Variants in ATXN7 observed in about 807,000 individuals in gnomAD.
ATXN7 encodes ataxin 7, also known as ataxin-7.
In ATXN7, 12 loss-of-function variants were observed where a neutral mutation model predicts 70.5. The ratio of observed to expected loss-of-function variants is 0.17; its 90% CI spans 0.11 to 0.28. The LOEUF is 0.28. Among genes scored for constraint, ATXN7 ranks in the 10% least tolerant of loss-of-function variants. The pLI, the probability that ATXN7 is intolerant of heterozygous loss-of-function variation, is 1.00. For synonymous variants in ATXN7, 498 were observed against 448.7 expected, an observed-to-expected ratio of 1.11 and a Z score of -1.39; for missense variants, 1,256 against 1,131.7, an observed-to-expected ratio of 1.11 and a Z score of -1.58.
At chr3:63,957,197 A>G (rs1429328403) in intron 5 of ATXN7, among the ~76,000 whole-genome samples, 2 of 151,376 alleles carry the variant, frequency 1.3e-5, no homozygotes, top group Non-Finnish European at 2.9e-5. Context: ...ATGCAGACAC[A>G]GGGGTGATAT....
intron 12 of ATXN7, chr3:63,997,753 C>T (rs1362677319): frequency 7.9e-6 from 12 of 1,523,834 alleles, no homozygotes; most frequent in African/African-American, 1.4e-5. Context: ...AAATGCCAGC[C>T]GGGTTAGGAC....
At chr3:63,946,156 A>G (rs535743916) in intron 4 of ATXN7, among the ~76,000 whole-genome samples, 1 of 152,298 alleles carries the variant, frequency 6.6e-6, no homozygotes, top group African/African-American at 2.4e-5. Flanking sequence ...AGGACTACTG[A>G]GGTTTCCATT....
At chr3:63,863,287 C>G (rs1309281500), upstream of ATXN7, 5 of 264,414 alleles carry the variant, frequency 1.9e-5, no homozygotes, top group Non-Finnish European at 2.9e-5. Context: ...ATTCCCGCCC[C>G]GTCCCTGGAG....
In ATXN7 at chr3:63,881,073, A is replaced by T. The variant is rs186416061; in HGVS notation, c.-111+16915A>T. On this transcript the variant is annotated intron_variant, in intron 1 of 12. Coordinates refer to ENST00000674280, the MANE Select transcript of ATXN7 (RefSeq NM_001377405.1). ...ATAATGATGATAATGGCTATCATTTATTGAGCAGTTAGTATGTGCCAGACT... is the reference window on the plus strand; with the variant it reads ...ATAATGATGATAATGGCTATCATTTTTTGAGCAGTTAGTATGTGCCAGACT... Among the ~76,000 whole-genome samples the T allele has an allele frequency of 3.5e-3, 533 of 152,360 alleles. 6 individuals are homozygous for T. Among genetic ancestry groups the T allele is most frequent in the African/African-American group, 0.011 (478 of 41,584 alleles).
intron 1 of ATXN7, among the ~76,000 whole-genome samples, chr3:63,872,855 C>T (rs748769505): frequency 3.3e-5 from 5 of 152,048 alleles, no homozygotes; most frequent in Non-Finnish European, 7.4e-5. Flanking sequence ...TAGTATTATC[C>T]CATTTTAAAG....
chr3:63,918,252 A>G (rs1246867897), intron 4 of ATXN7, among the ~76,000 whole-genome samples: 2 of 152,254 alleles, frequency 1.3e-5, no homozygotes, highest in Non-Finnish European at 2.9e-5. Context: ...GACTGAGTCA[A>G]CAGAGTACCA....
chr3:63,956,601 A>T (rs1159267264), intron 5 of ATXN7, among the ~76,000 whole-genome samples: 1 of 152,034 alleles, frequency 6.6e-6, no homozygotes, highest in African/African-American at 2.4e-5. Flanking sequence ...ATTTCCAGAG[A>T]TAGAACCCAG....
At chr3:63,919,185 C>G (rs1194487255) in intron 4 of ATXN7, among the ~76,000 whole-genome samples, 1 of 152,160 alleles carries the variant, frequency 6.6e-6, no homozygotes, top group African/African-American at 2.4e-5. Context: ...GTGTCAGTGT[C>G]CATAACTAAA....
intron 2 of ATXN7, among the ~76,000 whole-genome samples, chr3:63,908,281 G>A (rs923696934): frequency 6.6e-6 from 1 of 152,168 alleles, no homozygotes; most frequent in Non-Finnish European, 1.5e-5. Context: ...CAAGCTGTAA[G>A]GTACTTCACT....
At chr3:63,891,826 A>G (rs1703276015) in intron 1 of ATXN7, among the ~76,000 whole-genome samples, 1 of 152,186 alleles carries the variant, frequency 6.6e-6, no homozygotes, top group African/African-American at 2.4e-5. Context: ...GAAGAGTGAA[A>G]TTTGTTGTGT....
At chr3:63,863,855 G>C (rs1702311732), upstream of ATXN7, 11 of 1,215,068 alleles carry the variant, frequency 9.1e-6, no homozygotes, top group Non-Finnish European at 1.1e-5. Context: ...CGGCGGCGGA[G>C]GTCAAACTCC....
intron 5 of ATXN7, among the ~76,000 whole-genome samples, chr3:63,963,087 T>G (rs1254234950): frequency 6.6e-6 from 1 of 151,884 alleles, no homozygotes; most frequent in Non-Finnish European, 1.5e-5. Context: ...AGCTAATTTT[T>G]GTATTTTTTG....
chr3:63,930,668 A>G (rs1481333456), intron 4 of ATXN7, among the ~76,000 whole-genome samples: 2 of 151,928 alleles, frequency 1.3e-5, no homozygotes, highest in Admixed American at 1.3e-4. Context: ...AGCTGGGACT[A>G]CAGGCGCCCA....
chr3:63,905,784 A>T (rs1362364207), intron 2 of ATXN7: 1 of 152,230 alleles, frequency 6.6e-6, no homozygotes. Context: ...GCATAGTAGG[A>T]AGTGGACAGA....
intron 1 of ATXN7, among the ~76,000 whole-genome samples, chr3:63,881,617 A>G (rs1439335320): frequency 1.3e-5 from 2 of 151,654 alleles, no homozygotes; most frequent in Admixed American, 1.3e-4. Context: ...GCCTCCTGAG[A>G]AGCTGGGATT....
At chr3:63,989,472 T>G (rs2075632643) in intron 9 of ATXN7, among the ~76,000 whole-genome samples, 1 of 152,202 alleles carries the variant, frequency 6.6e-6, no homozygotes, top group Non-Finnish European at 1.5e-5. Context: ...GCCCTCTGTA[T>G]CCATGGGTTT....
intron 4 of ATXN7, among the ~76,000 whole-genome samples, chr3:63,934,196 C>G (rs1372858052): frequency 6.6e-6 from 1 of 152,158 alleles, no homozygotes; most frequent in Non-Finnish European, 1.5e-5. Flanking sequence ...TCCTTTCATA[C>G]TTCTTGCCTG....
chr3:63,975,482 G>A (rs916733257), intron 5 of ATXN7, among the ~76,000 whole-genome samples: 1 of 152,160 alleles, frequency 6.6e-6, no homozygotes, highest in Non-Finnish European at 1.5e-5. Flanking sequence ...TTATTTTCGA[G>A]TATGAATGTT....
chr3:63,940,464 A>T (rs1004412382), intron 4 of ATXN7, among the ~76,000 whole-genome samples: 20 of 152,330 alleles, frequency 1.3e-4, no homozygotes, highest in East Asian at 1.9e-4. Flanking sequence ...CATGGAATTT[A>T]CACAATATAC....
Sources: gnomAD v4.1 joint callset for allele counts (sites outside exome capture counted in the v4.1 genomes callset) on GRCh38, gnomAD v4.1.1 for gene constraint, MANE v1.5 for transcripts, NCBI Gene and HGNC (gene_info 2026-07-23, HGNC 2026-07-21) for gene names.